MAPK8IP3: variants seen among roughly 807,000 people sequenced by gnomAD.
MAPK8IP3 encodes the protein mitogen-activated protein kinase 8 interacting protein 3.
In MAPK8IP3, 49 loss-of-function variants were observed where a neutral mutation model predicts 157.8. That is an observed-to-expected ratio of 0.31 (90% confidence interval 0.25 to 0.39). The LOEUF (loss-of-function observed/expected upper bound fraction) is 0.39. Ranked by LOEUF, MAPK8IP3 falls within the 10% of genes least tolerant of loss-of-function variation. The pLI, the probability that MAPK8IP3 is intolerant of heterozygous loss-of-function variation, is 1.00. For synonymous variants in MAPK8IP3, 897 were observed against 777.7 expected (o/e 1.15, Z -2.55); for missense variants, 1,478 against 1,889.4 (o/e 0.78, Z 4.04).
rs1201526661 is a variant in MAPK8IP3 at position 1,742,143 on chromosome 16, A to T, written c.603-1189A>T. 6.6e-6 allele frequency among the ~76,000 whole-genome samples: 1 copy of T among 152,286 alleles called. No homozygotes were observed. Among genetic ancestry groups the T allele is most frequent in the Non-Finnish European group, 1.5e-5 (1 of 68,006 alleles). ...AATAGCCCTGAGCAGTGTGGGCTCCAGCATCTGACCACGTGGCCTGCCCCC... is the reference window on the plus strand; with the variant it reads ...AATAGCCCTGAGCAGTGTGGGCTCCTGCATCTGACCACGTGGCCTGCCCCC... On this transcript the variant is annotated intron_variant, in intron 4 of 31. Transcript: ENST00000610761. This position sits in a 1 kb window ranked among gnomAD's most constrained non-coding sequence, Gnocchi z 5.0.
rs769649620 is a variant in MAPK8IP3 at position 1,766,662 on chromosome 16, G to A, written c.2939+14G>A. The A allele has an allele frequency of 1.4e-5, 22 of 1,612,224 alleles. No individual in the cohort carries two copies. Among genetic ancestry groups the A allele is most frequent in the Admixed American group, 6.7e-5 (4 of 59,968 alleles). On this transcript the variant is annotated intron_variant, in intron 23 of 31. Transcript: ENST00000610761. ...CCAGAACGGCTGGTAGGAAGGGCCCGGGGCAAGGTGGAGGGAGGGTCCTGG... is the reference window on the plus strand; with the variant it reads ...CCAGAACGGCTGGTAGGAAGGGCCCAGGGCAAGGTGGAGGGAGGGTCCTGG...
At position 1,743,997 on chromosome 16, in the gene MAPK8IP3, G is replaced by C; in HGVS notation, c.747+521G>C. 10 of 995,458 alleles carry C rather than the reference G, an allele frequency of 1.0e-5. No individual in the cohort carries two copies. The highest frequency in any genetic ancestry group is 1.2e-5 in the Non-Finnish European group (10 of 836,746). 61.7% of individuals were successfully genotyped at this position (995,458 alleles called of 1,614,324 possible). A position where few individuals can be genotyped will look rare whatever the true frequency, so the allele number is the denominator to read the frequency against. The stretch of plus-strand genomic sequence containing the variant: ...GCCTGTCCCTGGTAACGCCTCCTGG[G>C]TCCTGAGTTTGAGAAAGCAGAGCCT... On this transcript the variant is annotated intron_variant, in intron 5 of 31. Coordinates refer to ENST00000610761, the MANE Select transcript of MAPK8IP3 (RefSeq NM_001318852.2). The surrounding 1 kb of genome is among the most constrained non-coding windows in gnomAD (Gnocchi z 5.6).
In MAPK8IP3 at chr16:1,706,200, C is replaced by A. The variant is rs1056217360; in HGVS notation, c.-140C>A. Reference sequence around the variant, plus strand: ...GGTGAGTGAGTGACGGGCGCAGCCTCGGCAGCGGCGGCGGCGGAGCCCTGA... The same window carrying A: ...GGTGAGTGAGTGACGGGCGCAGCCTAGGCAGCGGCGGCGGCGGAGCCCTGA... On this transcript the variant is annotated 5_prime_UTR_variant, in exon 1 of 32. Transcript: ENST00000610761. The surrounding 1 kb of genome is among the most constrained non-coding windows in gnomAD (Gnocchi z 5.1). The A allele has an allele frequency of 3.1e-6, 2 of 640,624 alleles. No homozygotes were observed. The highest frequency in any genetic ancestry group is 4.5e-6 in the Non-Finnish European group (2 of 448,366). The allele number at this position is 640,624 out of a possible 1,614,324, so 39.7% of individuals were successfully genotyped here.
chr16:1,729,794 CCCGTGT>C (rs1455129269), intron 4 of MAPK8IP3, among the ~76,000 whole-genome samples: 1 of 152,116 alleles, frequency 6.6e-6, no homozygotes, highest in African/African-American at 2.4e-5. Context: ...ATGTGTCGAG[CCCGTGT>C]GTCCCTTCTG....
At chr16:1,711,624 T>C (rs1484714051) in intron 1 of MAPK8IP3, among the ~76,000 whole-genome samples, 1 of 152,138 alleles carries the variant, frequency 6.6e-6, no homozygotes, top group Non-Finnish European at 1.5e-5. Context: ...TCTCCGGACT[T>C]GTTTTCCTTT....
In MAPK8IP3 at chr16:1,769,730, T is replaced by A. The variant is rs1232580589; in HGVS notation, c.*906T>A. The A allele has an allele frequency of 1.3e-5, 2 of 152,824 alleles. No individual in the cohort carries two copies. The highest frequency in any genetic ancestry group is 4.8e-5 in the African/African-American group (2 of 41,424). 9.5% of individuals were successfully genotyped at this position (152,824 alleles called of 1,614,324 possible). ...GGACACAGGCTCAGCCTCAGGTTGA[T>A]GGGGGATGATGTGCTCCCGGGGCCT... On this transcript the variant is annotated 3_prime_UTR_variant, in exon 32 of 32. Transcript: ENST00000610761.
Position 1,766,661 on chromosome 16 carries a change from C to G in MAPK8IP3, c.2939+13C>G. The G allele has an allele frequency of 6.2e-7, 1 of 1,612,344 alleles. No individual in the cohort carries two copies. The highest frequency in any genetic ancestry group is 8.5e-7 in the Non-Finnish European group (1 of 1,179,822). On this transcript the variant is annotated intron_variant, in intron 23 of 31. Transcript: ENST00000610761. Reference sequence around the variant, plus strand: ...CCCAGAACGGCTGGTAGGAAGGGCCCGGGGCAAGGTGGAGGGAGGGTCCTG... The same window carrying G: ...CCCAGAACGGCTGGTAGGAAGGGCCGGGGGCAAGGTGGAGGGAGGGTCCTG...
chr16:1,708,245 C>T (rs1044507825), intron 1 of MAPK8IP3, among the ~76,000 whole-genome samples: 3 of 152,204 alleles, frequency 2.0e-5, no homozygotes, highest in South Asian at 2.1e-4. Context: ...AACCCGACAC[C>T]GGCCTGGGCA....
chr16:1,718,289 A>T (rs1287803026), intron 1 of MAPK8IP3, among the ~76,000 whole-genome samples: 1 of 150,772 alleles, frequency 6.6e-6, no homozygotes, highest in Non-Finnish European at 1.5e-5. Flanking sequence ...TGTTCAAGAG[A>T]TTCTCCTGCC....
chr16:1,759,020 G>A (rs200776794), intron 10 of MAPK8IP3, 25 bp downstream of exon 10: 142 of 1,613,930 alleles, frequency 8.8e-5, no homozygotes, highest in East Asian at 5.1e-4. Context: ...CCGTTCCAGC[G>A]TGCGTCGCTC....
intron 5 of MAPK8IP3, chr16:1,745,141 G>T: frequency 1.0e-6 from 1 of 985,476 alleles, no homozygotes; most frequent in Non-Finnish European, 1.2e-6. Flanking sequence ...ATGGGTAAGT[G>T]GTGGCCCTGT....
intron 12 of MAPK8IP3, 30 bp downstream of exon 12, chr16:1,760,562 A>G: frequency 6.3e-7 from 1 of 1,597,344 alleles, no homozygotes; most frequent in Non-Finnish European, 8.6e-7. Context: ...AGCTGGTCAG[A>G]GAGGGACCCC....
At chr16:1,754,368 T>G (rs1254593295) in intron 8 of MAPK8IP3, among the ~76,000 whole-genome samples, 1 of 152,218 alleles carries the variant, frequency 6.6e-6, no homozygotes, top group African/African-American at 2.4e-5. Flanking sequence ...TGCCTTGCAT[T>G]GCTGAGCGGA....
intron 19 of MAPK8IP3, 24 bp downstream of exon 19, chr16:1,764,483 G>C (rs1286088740): frequency 5.6e-6 from 9 of 1,604,064 alleles, no homozygotes; most frequent in South Asian, 2.2e-5. Flanking sequence ...AGGCCACCGG[G>C]CACCCTCCCT....
At chr16:1,732,644 C>T (rs1490330679) in intron 4 of MAPK8IP3, among the ~76,000 whole-genome samples, 2 of 152,250 alleles carry the variant, frequency 1.3e-5, no homozygotes, top group Non-Finnish European at 2.9e-5. Flanking sequence ...ACCCAGAGCA[C>T]CATGAGAACT....
chr16:1,744,722 C>G (rs2040864652), intron 5 of MAPK8IP3: 1 of 985,408 alleles, frequency 1.0e-6, no homozygotes, highest in Non-Finnish European at 1.2e-6. Context: ...CTCGCGCCCG[C>G]TCTGGGCCCG....
intron 9 of MAPK8IP3, among the ~76,000 whole-genome samples, 198 bp from the exon 10 acceptor site, chr16:1,758,780 T>G (rs779249366): frequency 3.3e-5 from 5 of 152,144 alleles, no homozygotes; most frequent in African/African-American, 9.7e-5. Context: ...GGATAAACTT[T>G]CCAGAAGGAA....
In MAPK8IP3 at chr16:1,762,960, T is replaced by C; in HGVS notation, c.1852T>C (p.Cys618Arg). The C allele has an allele frequency of 6.2e-7, 1 of 1,613,010 alleles. No individual in the cohort carries two copies. Among genetic ancestry groups the C allele is most frequent in the Admixed American group, 1.7e-5 (1 of 60,022 alleles). Reference sequence around the variant, plus strand: ...CAGCCAGCGCCGCAACCATGCCATGTGCCCGATCTCGGCAGGCAGCCGGCC... The same window carrying C: ...CAGCCAGCGCCGCAACCATGCCATGCGCCCGATCTCGGCAGGCAGCCGGCC... ...GFSQRRNHAMCPISAGSRPLE... is the reference protein window; with the variant it reads ...GFSQRRNHAMRPISAGSRPLE... Residue 618 changes from cysteine to arginine, a missense_variant, in exon 16 of 32, where the codon TGC becomes CGC. By Grantham distance (180) the Cys-to-Arg change is radical. Coordinates refer to ENST00000610761, the MANE Select transcript of MAPK8IP3 (RefSeq NM_001318852.2).
chr16:1,747,494 C>T (rs959964561), intron 6 of MAPK8IP3, among the ~76,000 whole-genome samples: 2 of 152,226 alleles, frequency 1.3e-5, no homozygotes, highest in African/African-American at 4.8e-5. Context: ...GTGTCCTCAA[C>T]AGGCATCCCC....
Sources: allele counts gnomAD v4.1 joint callset (sites outside exome capture counted in the v4.1 genomes callset), GRCh38; gene constraint gnomAD v4.1.1; non-coding constraint Gnocchi (gnomAD v3.1); transcripts MANE v1.5; gene names NCBI Gene and HGNC (gene_info 2026-07-23, HGNC 2026-07-21).